Variants in C10orf67 observed in about 807,000 individuals in gnomAD.
C10orf67 encodes uncharacterized protein C10orf67, mitochondrial.
In C10orf67, 60 loss-of-function variants were observed where a neutral mutation model predicts 35.6. The observed-to-expected ratio is 1.68, with a 90% confidence interval of 1.37 to 2.09. C10orf67 has a LOEUF of 2.09. Ranked by LOEUF, C10orf67 falls within the 30% of genes most tolerant of loss-of-function variation. The pLI is 0.00. For missense variants in C10orf67, 474 were observed against 330.2 expected (o/e 1.44, Z -3.38); for synonymous variants, 167 against 115.8 (o/e 1.44, Z -2.84).
chr10:23,332,983 AC>A (rs1016683266), intron 2 of C10orf67, 78 bp downstream of exon 2: 78 of 1,379,650 alleles, frequency 5.7e-5, no homozygotes, highest in Non-Finnish European at 8.0e-6. Context: ...TAATTATTTC[AC>A]TTTTGTCTAT....
chr10:23,296,496 G>A (rs536557832), intron 5 of C10orf67, among the ~76,000 whole-genome samples: 4 of 152,208 alleles, frequency 2.6e-5, no homozygotes, highest in East Asian at 3.9e-4. Flanking sequence ...ATTCTTAGTC[G>A]GCCTAGGAAA....
At chr10:23,319,664 C>T (rs776698695) in intron 4 of C10orf67, among the ~76,000 whole-genome samples, 51 of 152,308 alleles carry the variant, frequency 3.3e-4, no homozygotes, top group Non-Finnish European at 5.0e-4. Context: ...TGCAACCTCA[C>T]CAGCATCTGT....
intron 4 of C10orf67, among the ~76,000 whole-genome samples, chr10:23,306,179 A>G (rs985389539): frequency 1.3e-5 from 2 of 152,190 alleles, no homozygotes; most frequent in African/African-American, 4.8e-5. Flanking sequence ...ATAGTGTATT[A>G]TCTCATTAAT....
intron 8 of C10orf67, 46 bp from the exon 9 acceptor site, chr10:23,267,300 T>TA: frequency 4.5e-6 from 3 of 665,510 alleles, no homozygotes; most frequent in Non-Finnish European, 8.2e-6. Context: ...CTGCAAAGAT[T>TA]AAAAAAGACA....
At chr10:23,205,963 T>G (rs1001615119) in intron 15 of C10orf67, among the ~76,000 whole-genome samples, 1 of 152,238 alleles carries the variant, frequency 6.6e-6, no homozygotes, top group Admixed American at 6.5e-5. Context: ...TGTTTTCTTT[T>G]CTAACAATGT....
chr10:23,283,974 G>A (rs1345486999), intron 7 of C10orf67, among the ~76,000 whole-genome samples: 1 of 152,080 alleles, frequency 6.6e-6, no homozygotes, highest in Admixed American at 6.6e-5. Flanking sequence ...CACAGATACA[G>A]CTGGTATTTG....
intron 13 of C10orf67, among the ~76,000 whole-genome samples, chr10:23,232,407 T>C (rs1424753880): frequency 1.3e-5 from 2 of 152,130 alleles, no homozygotes; most frequent in Non-Finnish European, 2.9e-5. Context: ...AACTATGCAA[T>C]AATTAAAATA....
chr10:23,255,067 A>T (rs1246641966), intron 10 of C10orf67, among the ~76,000 whole-genome samples: 1 of 152,146 alleles, frequency 6.6e-6, no homozygotes, highest in Non-Finnish European at 1.5e-5. Flanking sequence ...ACTTTTGAAC[A>T]CCAGTAATGT....
At chr10:23,206,506 C>T (rs1210895440) in intron 15 of C10orf67, among the ~76,000 whole-genome samples, 1 of 152,188 alleles carries the variant, frequency 6.6e-6, no homozygotes. Flanking sequence ...GGCACAAAGA[C>T]ACAACAATGC....
chr10:23,225,908 C>T (rs1415999542), intron 13 of C10orf67, among the ~76,000 whole-genome samples: 2 of 152,066 alleles, frequency 1.3e-5, no homozygotes, highest in African/African-American at 4.8e-5. Context: ...TAGACTCCCA[C>T]ACAATAATAA....
rs771390538 is a variant in C10orf67 at position 23,344,794 on chromosome 10, GC to G, written c.-21del. 1 of 1,543,006 alleles carries G rather than the reference GC, an allele frequency of 6.5e-7. No homozygotes were observed. Among genetic ancestry groups the G allele is most frequent in the South Asian group, 1.2e-5 (1 of 83,818 alleles). On this transcript the variant is annotated 5_prime_UTR_variant, in exon 1 of 16. Coordinates refer to ENST00000636213, the MANE Select transcript of C10orf67 (RefSeq NM_001371909.1). ...GGCCATCATAAGAGGAGAGCAGGCT[GC>G]CTAATAAGCTGTCTCCACCTGCCAC...
chr10:23,253,929 T>A lies in C10orf67; in HGVS notation c.1201-3238A>T, dbSNP rs562738990. Among the ~76,000 whole-genome samples, 5 of 152,292 alleles carry A rather than the reference T, an allele frequency of 3.3e-5. No individual in the cohort carries two copies. In the East Asian group the frequency reaches 9.6e-4, roughly 29 times the overall value. ...AGAGTGTTTGCTCTCCAGTTCGAGT[T>A]GAACTTTCAACTTTGCTGCAACATG... is the stretch of plus-strand genomic sequence containing the variant. On this transcript the variant is annotated intron_variant, in intron 10 of 15. Transcript: ENST00000636213.
intron 5 of C10orf67, among the ~76,000 whole-genome samples, chr10:23,293,508 T>C (rs11013368): frequency 6.6e-6 from 1 of 152,158 alleles, no homozygotes; most frequent in African/African-American, 2.4e-5. Flanking sequence ...CTAGTTTGTG[T>C]TTGCTTAAAC....
In C10orf67 at chr10:23,221,850, T is replaced by G. The variant is rs75305315; in HGVS notation, c.1570+1748A>C. Among the ~76,000 whole-genome samples, 67 of 152,328 alleles carry G rather than the reference T, an allele frequency of 4.4e-4. No individual in the cohort carries two copies. The East Asian group carries it at 0.013, about 29-fold the overall frequency. Reference sequence around the variant, plus strand: ...TAAATTTTGGATTAACTGGAACCAATTAATAAGAAATTTTTGTTAACTGGA... The same window carrying G: ...TAAATTTTGGATTAACTGGAACCAAGTAATAAGAAATTTTTGTTAACTGGA... On this transcript the variant is annotated intron_variant, in intron 15 of 15. Transcript: ENST00000636213.
At chr10:23,282,152 T>C in intron 7 of C10orf67, 74 bp from the exon 8 acceptor site, 1 of 412,362 alleles carries the variant, frequency 2.4e-6, no homozygotes, top group South Asian at 7.7e-5. Context: ...CAAGAAAATT[T>C]AGTGAAACAT....
rs536285841 is a variant in C10orf67 at position 23,222,575 on chromosome 10, G to A, written c.1570+1023C>T. 2.0e-5 allele frequency among the ~76,000 whole-genome samples: 3 copies of A among 152,120 alleles called. No individual in the cohort carries two copies. The South Asian group carries it at 6.2e-4, about 32-fold the overall frequency. On this transcript the variant is annotated intron_variant, in intron 15 of 15. Transcript: ENST00000636213. ...ACTACGTTCACTAATTGGGTGATGA[G>A]TTCCATCAAAGCCCAAACCTCAGCA...
chr10:23,304,829 A>C (rs959917982), intron 4 of C10orf67, among the ~76,000 whole-genome samples: 1 of 152,132 alleles, frequency 6.6e-6, no homozygotes, highest in Non-Finnish European at 1.5e-5. Flanking sequence ...AAACCTGAAG[A>C]ATCTTCTTTA....
chr10:23,294,616 A>C (rs1031057621), intron 5 of C10orf67, among the ~76,000 whole-genome samples: 14 of 152,220 alleles, frequency 9.2e-5, no homozygotes, highest in African/African-American at 3.1e-4. Context: ...CCATCTGGAG[A>C]TGAGAAATTA....
At chr10:23,321,279 G>A (rs1159030926) in intron 3 of C10orf67, among the ~76,000 whole-genome samples, 1 of 152,214 alleles carries the variant, frequency 6.6e-6, no homozygotes, top group Non-Finnish European at 1.5e-5. Flanking sequence ...ATAGAAGAGA[G>A]TGCATTAAAA....
Sources: allele counts gnomAD v4.1 joint callset (sites outside exome capture counted in the v4.1 genomes callset), GRCh38; gene constraint gnomAD v4.1.1; transcripts MANE v1.5; gene names NCBI Gene and HGNC (gene_info 2026-07-23, HGNC 2026-07-21).